Variants in SEMA5A observed in about 807,000 individuals in gnomAD.
SEMA5A encodes the protein semaphorin 5A.
A neutral mutation model predicts 135.5 loss-of-function variants in SEMA5A; 55 were observed. The observed-to-expected ratio is 0.41, with a 90% CI of 0.33 to 0.51. The LOEUF (loss-of-function observed/expected upper bound fraction) is 0.51. SEMA5A is among the 20% of genes least tolerant of loss of function. The pLI is 0.37. For missense variants in SEMA5A, 1,290 were observed against 1,419.9 expected (o/e 0.91, Z 1.47); for synonymous variants, 580 against 546.5 (o/e 1.06, Z -0.85).
chr5:9,409,872 T>C (rs1757039250), intron 2 of SEMA5A, among the ~76,000 whole-genome samples: 2 of 105,772 alleles, frequency 1.9e-5, no homozygotes, highest in South Asian at 3.1e-4. Flanking sequence ...TCTGTGGTTT[T>C]AACAAACACA....
intron 16 of SEMA5A, among the ~76,000 whole-genome samples, chr5:9,097,750 C>A (rs1739401319): frequency 6.6e-6 from 1 of 152,164 alleles, no homozygotes; most frequent in Admixed American, 6.5e-5. Flanking sequence ...CTCCTGGAAC[C>A]ATGGCCCAGC....
chr5:9,285,608 G>C (rs921385561), intron 5 of SEMA5A, among the ~76,000 whole-genome samples: 1 of 152,190 alleles, frequency 6.6e-6, no homozygotes, highest in Non-Finnish European at 1.5e-5. Flanking sequence ...TTAAACACCA[G>C]CTCACAAGTT....
intron 12 of SEMA5A, among the ~76,000 whole-genome samples, chr5:9,150,448 C>A (rs1477165812): frequency 2.0e-5 from 3 of 152,154 alleles, no homozygotes; most frequent in Non-Finnish European, 2.9e-5. Context: ...GAATGATTTT[C>A]TCACTCTATC....
intron 1 of SEMA5A, among the ~76,000 whole-genome samples, chr5:9,496,582 TG>T (rs1207059317): frequency 6.6e-6 from 1 of 152,138 alleles, no homozygotes; most frequent in East Asian, 1.9e-4. Flanking sequence ...AATATTACCA[TG>T]TTTTTTTCAG....
chr5:9,299,246 C>T (rs1190855874), intron 5 of SEMA5A, among the ~76,000 whole-genome samples: 1 of 151,966 alleles, frequency 6.6e-6, no homozygotes, highest in Non-Finnish European at 1.5e-5. Context: ...ATTAGAACTG[C>T]GGGTAAGAGA....
intron 5 of SEMA5A, among the ~76,000 whole-genome samples, chr5:9,280,183 G>T (rs1046693788): frequency 6.6e-6 from 1 of 152,128 alleles, no homozygotes; most frequent in African/African-American, 2.4e-5. Flanking sequence ...ACAGATCCAG[G>T]ATCCCTAATT....
rs921774411 is a variant in SEMA5A at position 9,237,952 on chromosome 5, A to G, written c.271-62T>C. 4 of 1,471,752 alleles carry G rather than the reference A, an allele frequency of 2.7e-6. No homozygotes were observed. In the African/African-American group the frequency reaches 4.2e-5, roughly 15 times the overall value. 91.2% of individuals were successfully genotyped at this position (1,471,752 alleles called of 1,614,324 possible). On this transcript the variant is annotated intron_variant, in intron 5 of 22. Coordinates refer to ENST00000382496, the MANE Select transcript of SEMA5A (RefSeq NM_003966.3). ...TGACTAAATAAAAGGGAAAATATAA[A>G]CAAGGTAACAAGGCACTGGTAACCA...
chr5:9,374,568 G>A (rs1439525615), intron 3 of SEMA5A, among the ~76,000 whole-genome samples: 1 of 151,890 alleles, frequency 6.6e-6, no homozygotes, highest in Non-Finnish European at 1.5e-5. Flanking sequence ...CACTTGTTCA[G>A]CTGTAACATG....
At chr5:9,475,826 G>A (rs916620582) in intron 1 of SEMA5A, among the ~76,000 whole-genome samples, 8 of 152,142 alleles carry the variant, frequency 5.3e-5, no homozygotes, top group African/African-American at 1.9e-4. Context: ...TTGATTAAAA[G>A]TGTTCACGTT....
chr5:9,097,520 T>G (rs940974712), intron 16 of SEMA5A, among the ~76,000 whole-genome samples: 3 of 152,222 alleles, frequency 2.0e-5, no homozygotes, highest in African/African-American at 7.2e-5. Context: ...TACTTCATTT[T>G]AGAAAGGTAT....
At chr5:9,540,453 C>G (rs1192770215) in intron 1 of SEMA5A, among the ~76,000 whole-genome samples, 5 of 142,058 alleles carry the variant, frequency 3.5e-5, no homozygotes, top group Non-Finnish European at 7.7e-5. Context: ...AAAAAATTAG[C>G]TGGGCATGTG....
chr5:9,201,556 CAG>C (rs1745702942), intron 9 of SEMA5A, among the ~76,000 whole-genome samples: 1 of 152,176 alleles, frequency 6.6e-6, no homozygotes, highest in Non-Finnish European at 1.5e-5. Flanking sequence ...TCAAAGATTT[CAG>C]ATTCTCCAGG....
chr5:9,423,357 T>C (rs1579515840), intron 2 of SEMA5A, among the ~76,000 whole-genome samples: 1 of 152,376 alleles, frequency 6.6e-6, no homozygotes. Flanking sequence ...CTTAGTTATC[T>C]GTTTTATTCC....
intron 1 of SEMA5A, among the ~76,000 whole-genome samples, chr5:9,446,981 T>C (rs2126694397): frequency 6.6e-6 from 1 of 152,310 alleles, no homozygotes; most frequent in East Asian, 1.9e-4. Flanking sequence ...CAGACAAGTC[T>C]GTTAAGAAAT....
rs187302618 is a variant in SEMA5A at position 9,463,185 on chromosome 5, T to C, written c.-174-25333A>G. On this transcript the variant is annotated intron_variant, in intron 1 of 22. Coordinates refer to ENST00000382496, the MANE Select transcript of SEMA5A (RefSeq NM_003966.3). Reference sequence around the variant, plus strand: ...AGTCTTATTGGGGAACCACCTAGTCTGAAGAAAAACAGTGAAAGCGTTCTC... The same window carrying C: ...AGTCTTATTGGGGAACCACCTAGTCCGAAGAAAAACAGTGAAAGCGTTCTC... 2.9e-3 allele frequency among the ~76,000 whole-genome samples: 443 copies of C among 152,266 alleles called. 2 individuals carry two copies. In the South Asian group the frequency reaches 0.037, roughly 13 times the overall value.
intron 5 of SEMA5A, among the ~76,000 whole-genome samples, chr5:9,252,296 G>A (rs939619811): frequency 7.9e-5 from 12 of 152,110 alleles, no homozygotes; most frequent in Non-Finnish European, 1.8e-4. Flanking sequence ...CAAAGTCATC[G>A]ATTCGAAAGC....
At chr5:9,497,934 G>A (rs531367490) in intron 1 of SEMA5A, among the ~76,000 whole-genome samples, 2 of 152,220 alleles carry the variant, frequency 1.3e-5, no homozygotes, top group South Asian at 4.2e-4. Flanking sequence ...CAACTCCTTG[G>A]GGACATGACA....
At chr5:9,542,320 C>A (rs1738136572) in intron 1 of SEMA5A, among the ~76,000 whole-genome samples, 1 of 152,170 alleles carries the variant, frequency 6.6e-6, no homozygotes, top group Non-Finnish European at 1.5e-5. Context: ...AATTTTCAAC[C>A]AAACTTCTGC....
Position 9,441,465 on chromosome 5 carries a change from T to C in SEMA5A, c.-174-3613A>G, listed in dbSNP as rs576425168. ...GCCAGCACCATGGTGAGTTAAAGCA[T>C]GAGTTCCTGGTACCATCCCTGGAGT... is the stretch of plus-strand genomic sequence containing the variant. On this transcript the variant is annotated intron_variant, in intron 1 of 22. Transcript: ENST00000382496. Among the ~76,000 whole-genome samples the C allele has an allele frequency of 2.0e-5, 3 of 152,102 alleles. No homozygotes were observed. The South Asian group carries it at 6.2e-4, about 32-fold the overall frequency.
Sources: gnomAD v4.1 joint callset for allele counts (sites outside exome capture counted in the v4.1 genomes callset) on GRCh38, gnomAD v4.1.1 for gene constraint, MANE v1.5 for transcripts, NCBI Gene and HGNC (gene_info 2026-07-23, HGNC 2026-07-21) for gene names.